MTUS1: variants seen among roughly 807,000 people sequenced by gnomAD.
The protein encoded by MTUS1 is microtubule associated scaffold protein 1.
In MTUS1, 109 loss-of-function variants were observed where a neutral mutation model predicts 120.8. That is an observed-to-expected ratio of 0.90 (90% confidence interval 0.77 to 1.06). MTUS1 has a LOEUF of 1.06. Ranked by LOEUF, MTUS1 falls within the 50% of genes least tolerant of loss-of-function variation. MTUS1 has a pLI of 0.00. For synonymous variants in MTUS1, 737 were observed against 550.5 expected, an observed-to-expected ratio of 1.34 and a Z score of -4.74; for missense variants, 2,210 against 1,486.3, an observed-to-expected ratio of 1.49 and a Z score of -8.01.
rs55901871 is a variant in MTUS1 at position 17,682,517 on chromosome 8, C to CAAAAAAAAAA, written c.2838+1801_2838+1810dup. ...TGAGTGACAGAGCAAGACTCCATCC[C>CAAAAAAAAAA]AAAAAAAAAAAAAAAAAAAAAAGTT... On this transcript the variant is annotated intron_variant, in intron 7 of 14. Transcript: ENST00000693296. Among the ~76,000 whole-genome samples, 2 of 114,994 alleles carry CAAAAAAAAAA rather than the reference C, an allele frequency of 1.7e-5. 1 individual carries two copies. The highest frequency in any genetic ancestry group is 3.4e-5 in the Non-Finnish European group (2 of 58,134). 75.4% of individuals were successfully genotyped at this position (114,994 alleles called of 152,430 possible).
chr8:17,710,596 G>A (rs1054174611), intron 6 of MTUS1, among the ~76,000 whole-genome samples: 6 of 152,172 alleles, frequency 3.9e-5, no homozygotes, highest in African/African-American at 7.2e-5. Flanking sequence ...CATCCATGAC[G>A]GTTAGGTCAG....
chr8:17,710,021 C>A (rs1409942969), intron 6 of MTUS1, among the ~76,000 whole-genome samples: 2 of 151,432 alleles, frequency 1.3e-5, no homozygotes, highest in Non-Finnish European at 2.9e-5. Flanking sequence ...AAAAAAAACA[C>A]CTTAATTTAA....
rs549536187 is a variant in MTUS1 at position 17,689,700 on chromosome 8, T to C, written c.2624-5158A>G. 1.6e-3 allele frequency among the ~76,000 whole-genome samples: 245 copies of C among 152,146 alleles called. 2 individuals are homozygous for C. Among genetic ancestry groups the C allele is most frequent in the Non-Finnish European group, 1.5e-3 (105 of 68,006 alleles). ...GTCTAAAAATAGACACATAGATCAG[T>C]GGAAGAGAACAGAGAACCCAGAAAT... On this transcript the variant is annotated intron_variant, in intron 6 of 14. Coordinates refer to ENST00000693296, the MANE Select transcript of MTUS1 (RefSeq NM_001363059.2).
At chr8:17,662,174 T>A (rs1027901402) in intron 8 of MTUS1, among the ~76,000 whole-genome samples, 1 of 152,058 alleles carries the variant, frequency 6.6e-6, no homozygotes, top group Admixed American at 6.6e-5. Flanking sequence ...ATCCTCAGCC[T>A]AGTCTCTTCT....
intron 2 of MTUS1, among the ~76,000 whole-genome samples, chr8:17,745,836 T>C (rs1208615529): frequency 1.3e-5 from 2 of 152,232 alleles, no homozygotes; most frequent in Non-Finnish European, 2.9e-5. Flanking sequence ...TTTGGATCTG[T>C]GTCCCCACCC....
At chr8:17,779,035 T>C (rs577871428) in intron 1 of MTUS1, among the ~76,000 whole-genome samples, 13 of 152,118 alleles carry the variant, frequency 8.5e-5, no homozygotes, top group Admixed American at 4.6e-4. Context: ...ACAGGTCACA[T>C]AGGAAAGCAT....
chr8:17,695,024 C>A (rs1416784688), intron 6 of MTUS1, among the ~76,000 whole-genome samples: 3 of 152,152 alleles, frequency 2.0e-5, no homozygotes, highest in East Asian at 3.9e-4. Flanking sequence ...CACCACTGCA[C>A]TGAGGCAACC....
At chr8:17,699,872 T>G (rs1486398383) in intron 6 of MTUS1, among the ~76,000 whole-genome samples, 1 of 152,196 alleles carries the variant, frequency 6.6e-6, no homozygotes, top group Admixed American at 6.5e-5. Flanking sequence ...AATAACTGGA[T>G]AAGCAATTAC....
At chr8:17,761,719 C>T (rs576873750) in intron 1 of MTUS1, among the ~76,000 whole-genome samples, 3 of 152,188 alleles carry the variant, frequency 2.0e-5, no homozygotes, top group Non-Finnish European at 2.9e-5. Context: ...TATAACCACA[C>T]AGAATGTAAT....
intron 8 of MTUS1, among the ~76,000 whole-genome samples, chr8:17,657,659 TAAA>T (rs60180794): frequency 7.3e-6 from 1 of 136,206 alleles, no homozygotes; most frequent in African/African-American, 2.8e-5. Context: ...CTCTTAAAAT[TAAA>T]AAAAAAAAAA....
At chr8:17,736,478 C>G (rs1474584947) in intron 3 of MTUS1, among the ~76,000 whole-genome samples, 3 of 152,236 alleles carry the variant, frequency 2.0e-5, no homozygotes, top group Admixed American at 6.5e-5. Flanking sequence ...TCCCTCCTCC[C>G]TTCCTTTCAG....
chr8:17,736,075 A>C (rs184926366), intron 3 of MTUS1, among the ~76,000 whole-genome samples: 1 of 152,294 alleles, frequency 6.6e-6, no homozygotes, highest in East Asian at 1.9e-4. Flanking sequence ...AATCTAGTAC[A>C]CTGCCCAACA....
rs749135126 is a variant in MTUS1, at chr8:17,743,409, TCTC to T, written c.2287+192_2287+194del. 9.2e-5 allele frequency among the ~76,000 whole-genome samples: 14 copies of T among 152,292 alleles called. No individual in the cohort carries two copies. In the East Asian group the frequency reaches 1.4e-3, roughly 15 times the overall value. On this transcript the variant is annotated intron_variant, in intron 3 of 14. Transcript: ENST00000693296. ...AAGATGGTTTATACACCTATACCTC[TCTC>T]CTCAACTAGCCTTTGCCTTGCTCAA...
intron 6 of MTUS1, among the ~76,000 whole-genome samples, chr8:17,688,307 C>T (rs992556918): frequency 7.9e-5 from 12 of 152,190 alleles, no homozygotes; most frequent in African/African-American, 2.7e-4. Context: ...AGAAGTATCA[C>T]ATAAGAGGGT....
At chr8:17,795,030 T>C (rs935658579) in intron 1 of MTUS1, among the ~76,000 whole-genome samples, 7 of 152,314 alleles carry the variant, frequency 4.6e-5, no homozygotes, top group Admixed American at 2.0e-4. Flanking sequence ...GCTGAATACC[T>C]CCTATGAACT....
chr8:17,771,500 C>T (rs1458891973), intron 1 of MTUS1, among the ~76,000 whole-genome samples: 1 of 152,164 alleles, frequency 6.6e-6, no homozygotes, highest in Non-Finnish European at 1.5e-5. Context: ...GAATCTTGGG[C>T]CAGCGTATCT....
intron 6 of MTUS1, among the ~76,000 whole-genome samples, chr8:17,694,295 A>C (rs1283847299): frequency 6.6e-6 from 1 of 152,182 alleles, no homozygotes; most frequent in Non-Finnish European, 1.5e-5. Flanking sequence ...GGTAAAAACA[A>C]ATCAAGATTT....
At chr8:17,674,778 C>T (rs767564319) in intron 8 of MTUS1, 77 of 1,010,286 alleles carry the variant, frequency 7.6e-5, no homozygotes, top group Non-Finnish European at 8.6e-5. Context: ...ATACTCACTA[C>T]TCACAAACCA....
At chr8:17,648,018 G>C (rs565775533) in intron 13 of MTUS1, among the ~76,000 whole-genome samples, 1 of 152,100 alleles carries the variant, frequency 6.6e-6, no homozygotes, top group African/African-American at 2.4e-5. Flanking sequence ...AGGAGTCTAC[G>C]TTCAGTAATT....
Sources: allele counts gnomAD v4.1 joint callset (sites outside exome capture counted in the v4.1 genomes callset), GRCh38; gene constraint gnomAD v4.1.1; transcripts MANE v1.5; gene names NCBI Gene and HGNC (gene_info 2026-07-23, HGNC 2026-07-21).